The following SIK2 variants were observed in gnomAD, a reference collection of about 807,000 sequenced individuals.
The protein encoded by SIK2 is salt inducible kinase 2, also known as serine/threonine-protein kinase SIK2.
In SIK2, 29 loss-of-function variants were observed where a neutral mutation model predicts 103.2. The ratio of observed to expected loss-of-function variants is 0.28; its 90% CI spans 0.21 to 0.38. The LOEUF (loss-of-function observed/expected upper bound fraction) is 0.38. Among genes scored for constraint, SIK2 ranks in the 10% least tolerant of loss-of-function variants. The pLI, the probability that SIK2 is intolerant of heterozygous loss-of-function variation, is 1.00. For missense variants in SIK2, 879 were observed against 1,171.0 expected, an observed-to-expected ratio of 0.75 and a Z score of 3.64; for synonymous variants, 412 against 446.1, an observed-to-expected ratio of 0.92 and a Z score of 0.96.
At chr11:111,614,515 G>A (rs1451083386) in intron 1 of SIK2, among the ~76,000 whole-genome samples, 1 of 151,934 alleles carries the variant, frequency 6.6e-6, no homozygotes, top group Admixed American at 6.6e-5. Context: ...AGTAAACTAG[G>A]GAAAAGAAAA....
chr11:111,634,932 A>C (rs1942087229), intron 3 of SIK2, among the ~76,000 whole-genome samples: 1 of 152,238 alleles, frequency 6.6e-6, no homozygotes, highest in South Asian at 2.1e-4. Context: ...AGGGTTATGC[A>C]AATGTTGAAT....
chr11:111,681,858 G>A (rs1235224172), intron 3 of SIK2, among the ~76,000 whole-genome samples: 5 of 152,176 alleles, frequency 3.3e-5, no homozygotes, highest in Admixed American at 6.5e-5. Context: ...TGTTAGTGCT[G>A]TGGTTCTCAA....
Position 111,723,648 on chromosome 11 carries a change from C to T in SIK2, c.2300C>T (p.Pro767Leu), listed in dbSNP as rs201581603. 5.1e-5 allele frequency: 83 copies of T among 1,614,168 alleles called. No homozygotes were observed. Among genetic ancestry groups the T allele is most frequent in the African/African-American group, 2.7e-4 (20 of 75,042 alleles). ...ETPPPSQQAPPFSLTQPLSPV... is the reference protein window; with the variant it reads ...ETPPPSQQAPLFSLTQPLSPV... ...CCACCGCCTTCTCAGCAGGCCCCAC[C>T]GTTCAGCCTGACCCAGCCCCTGAGC... Residue 767 changes from proline (P) to leucine (L), a missense_variant, in exon 15 of 15, where the codon CCG (proline) becomes CTG (leucine). Pro to Leu is a moderately conservative substitution (Grantham distance 98). Transcript: ENST00000304987.
intron 3 of SIK2, among the ~76,000 whole-genome samples, chr11:111,629,973 C>T (rs1942016035): frequency 6.6e-6 from 1 of 151,876 alleles, no homozygotes; most frequent in Admixed American, 6.6e-5. Flanking sequence ...GGTATTTGCC[C>T]AAGAAAAATG....
intron 3 of SIK2, among the ~76,000 whole-genome samples, chr11:111,626,207 A>T (rs1046637308): frequency 6.6e-6 from 1 of 152,180 alleles, no homozygotes; most frequent in African/African-American, 2.4e-5. Flanking sequence ...ATTGAAGATA[A>T]TGAGTAATAG....
intron 1 of SIK2, among the ~76,000 whole-genome samples, chr11:111,603,735 C>G (rs1201623861): frequency 6.6e-6 from 1 of 152,194 alleles, no homozygotes; most frequent in Non-Finnish European, 1.5e-5. Context: ...TTGACGTACT[C>G]TACTCTGCCT....
intron 3 of SIK2, among the ~76,000 whole-genome samples, chr11:111,629,870 T>C (rs1942014446): frequency 6.6e-6 from 1 of 152,204 alleles, no homozygotes. Flanking sequence ...CTGGTAGGAA[T>C]GTAAAATGGT....
intron 4 of SIK2, among the ~76,000 whole-genome samples, chr11:111,694,934 C>T (rs953906104): frequency 1.3e-5 from 2 of 152,194 alleles, no homozygotes; most frequent in African/African-American, 4.8e-5. Context: ...CACATTTCAT[C>T]TCAACTGTGA....
chr11:111,711,226 C>A (rs1943485889), intron 8 of SIK2, among the ~76,000 whole-genome samples: 2 of 151,620 alleles, frequency 1.3e-5, no homozygotes, highest in South Asian at 4.2e-4. Context: ...TCACACCATT[C>A]TCCTGCCTCA....
At position 111,719,177 on chromosome 11, in the gene SIK2, A is replaced by G. The variant is rs533297636; in HGVS notation, c.1267-598A>G. Among the ~76,000 whole-genome samples the G allele has an allele frequency of 5.3e-5, 8 of 152,222 alleles. No individual in the cohort carries two copies. The South Asian group carries it at 1.7e-3, about 32-fold the overall frequency. ...CTGTCTGCCATTTGAATTTTTTTCA[A>G]TCCTTTTTGTGGTATCAGTCTGTCT... is the stretch of plus-strand genomic sequence containing the variant. On this transcript the variant is annotated intron_variant, in intron 9 of 14. Transcript: ENST00000304987.
intron 3 of SIK2, among the ~76,000 whole-genome samples, chr11:111,627,636 G>T (rs1287389467): frequency 6.6e-6 from 1 of 151,548 alleles, no homozygotes; most frequent in Non-Finnish European, 1.5e-5. Flanking sequence ...GACTTAGATG[G>T]AAAAAAAACC....
At chr11:111,603,683 C>A (rs1276364392) in intron 1 of SIK2, among the ~76,000 whole-genome samples, 1 of 152,104 alleles carries the variant, frequency 6.6e-6, no homozygotes, top group Admixed American at 6.5e-5. Context: ...CTTAGAAGAA[C>A]GGTAGAAACA....
chr11:111,637,643 G>T (rs963722792), intron 3 of SIK2, among the ~76,000 whole-genome samples: 3 of 151,586 alleles, frequency 2.0e-5, no homozygotes. Context: ...TGTACTTTCA[G>T]TAAAGACAGG....
intron 2 of SIK2, among the ~76,000 whole-genome samples, chr11:111,618,279 G>A (rs1941834772): frequency 6.6e-6 from 1 of 152,172 alleles, no homozygotes; most frequent in East Asian, 1.9e-4. Flanking sequence ...TGTAAATACA[G>A]ATGAAGCTTC....
chr11:111,615,680 G>A (rs1192106424), intron 1 of SIK2, among the ~76,000 whole-genome samples: 2 of 152,118 alleles, frequency 1.3e-5, no homozygotes, highest in Non-Finnish European at 1.5e-5. Flanking sequence ...TTAAATTTTA[G>A]TGCAGTTACT....
intron 1 of SIK2, among the ~76,000 whole-genome samples, chr11:111,606,025 A>T (rs1941644329): frequency 6.6e-6 from 1 of 152,192 alleles, no homozygotes; most frequent in South Asian, 2.1e-4. Flanking sequence ...ATAATGGGAA[A>T]AGAATAATAG....
intron 8 of SIK2, among the ~76,000 whole-genome samples, chr11:111,708,089 A>G (rs1033591542): frequency 9.9e-5 from 15 of 152,172 alleles, no homozygotes; most frequent in African/African-American, 3.6e-4. Flanking sequence ...TAGTTACAAA[A>G]TACCCATTAT....
chr11:111,709,735 GA>G (rs1219742740), intron 8 of SIK2, among the ~76,000 whole-genome samples: 2 of 152,164 alleles, frequency 1.3e-5, no homozygotes, highest in African/African-American at 4.8e-5. Context: ...GTGATCACAA[GA>G]CTCCTAAAAC....
chr11:111,673,811 A>G (rs541506775), intron 3 of SIK2, among the ~76,000 whole-genome samples: 2 of 152,290 alleles, frequency 1.3e-5, no homozygotes, highest in East Asian at 3.9e-4. Context: ...GTGGTGGTTC[A>G]CACCTGTAAT....
Sources: gnomAD v4.1 joint callset for allele counts (sites outside exome capture counted in the v4.1 genomes callset) on GRCh38, gnomAD v4.1.1 for gene constraint, MANE v1.5 for transcripts, NCBI Gene and HGNC (gene_info 2026-07-23, HGNC 2026-07-21) for gene names.